The following BLTP1 variants were observed in gnomAD, a reference collection of about 807,000 sequenced individuals.
BLTP1 encodes fragile site-associated protein.
the BLTP1 span, chr4:122,326,059 C>T: frequency 4.9e-6 from 1 of 205,630 alleles, no homozygotes; most frequent in Non-Finnish European, 1.1e-5. Context: ...CTGTTTGAAT[C>T]TCATAACCTC....
At chr4:122,317,255 C>A in the BLTP1 span, among the ~76,000 whole-genome samples, 1 of 151,826 alleles carries the variant, frequency 6.6e-6, no homozygotes, top group African/African-American at 2.4e-5. Context: ...TCGCTTGAGC[C>A]CGGGAGGAGG....
chr4:122,240,176 C>T, the BLTP1 span: 11,166 of 1,613,996 alleles, frequency 6.9e-3, 666 homozygotes, highest in African/African-American at 0.13. Flanking sequence ...CGCAACAACC[C>T]GTGATGAATT....
chr4:122,308,161 G>A, the BLTP1 span: 2 of 1,612,256 alleles, frequency 1.2e-6, no homozygotes, highest in Admixed American at 1.7e-5. Context: ...TACTGCACAG[G>A]TACAAAAAGT....
the BLTP1 span, chr4:122,331,679 A>C: frequency 7.0e-7 from 1 of 1,421,534 alleles, no homozygotes; most frequent in South Asian, 1.5e-5. Context: ...ATAATGGTCA[A>C]GTGTATATTT....
chr4:122,284,962 A>C, the BLTP1 span, among the ~76,000 whole-genome samples: 17 of 152,210 alleles, frequency 1.1e-4, no homozygotes, highest in African/African-American at 3.9e-4. Flanking sequence ...TTCTTTATTA[A>C]GAGTAATTTT....
chr4:122,173,175 T>C, the BLTP1 span: 1 of 1,600,510 alleles, frequency 6.2e-7, no homozygotes, highest in Non-Finnish European at 8.5e-7. Context: ...TAACACTGAA[T>C]TTTTTTCTTC....
chr4:122,259,988 A>G, the BLTP1 span: 31 of 761,016 alleles, frequency 4.1e-5, 1 homozygote, highest in African/African-American at 5.4e-4. Flanking sequence ...ATATATAGTC[A>G]TGCATCACTT....
chr4:122,163,406 T>G, the BLTP1 span, among the ~76,000 whole-genome samples: 11 of 152,190 alleles, frequency 7.2e-5, no homozygotes, highest in African/African-American at 2.2e-4. Flanking sequence ...TAATTGACAT[T>G]AACTCTCTGG....
the BLTP1 span, chr4:122,238,445 C>A: frequency 9.5e-6 from 9 of 950,754 alleles, no homozygotes; most frequent in Middle Eastern, 3.3e-4. Flanking sequence ...TCCACTCCCC[C>A]ACTTTAGAAA....
chr4:122,234,315 G>A, the BLTP1 span: 1 of 228,156 alleles, frequency 4.4e-6, no homozygotes, highest in Non-Finnish European at 7.2e-6. Flanking sequence ...CTTCATATTT[G>A]TAATTTTTCA....
the BLTP1 span, chr4:122,362,408 T>G: frequency 1.7e-6 from 1 of 572,706 alleles, no homozygotes; most frequent in Non-Finnish European, 3.0e-6. Context: ...CATCATTCTG[T>G]GTACAGTGAA....
chr4:122,161,964 A>G, the BLTP1 span, among the ~76,000 whole-genome samples: 3 of 152,368 alleles, frequency 2.0e-5, no homozygotes, highest in East Asian at 5.8e-4. Flanking sequence ...AGGAGCAGTC[A>G]TTAGTGGGGG....
the BLTP1 span, among the ~76,000 whole-genome samples, chr4:122,238,905 CTGTT>C: frequency 6.6e-6 from 1 of 152,122 alleles, no homozygotes; most frequent in Non-Finnish European, 1.5e-5. Context: ...GTCTCAATAA[CTGTT>C]TGGTTTCAAT....
chr4:122,264,875 G>A, the BLTP1 span, among the ~76,000 whole-genome samples: 1 of 152,160 alleles, frequency 6.6e-6, no homozygotes, highest in Non-Finnish European at 1.5e-5. Flanking sequence ...TTGAAAAGAT[G>A]AATTATTGAA....
At chr4:122,235,158 C>A in the BLTP1 span, 2 of 888,074 alleles carry the variant, frequency 2.3e-6, no homozygotes, top group Non-Finnish European at 3.3e-6. Flanking sequence ...TAGTATAATC[C>A]ACCTTTGTTT....
At chr4:122,315,701 A>T in the BLTP1 span, 10 of 1,611,612 alleles carry the variant, frequency 6.2e-6, no homozygotes, top group African/African-American at 1.2e-4. Flanking sequence ...AAGTAAACTC[A>T]CTGTTAGAAT....
chr4:122,256,144 G>A, the BLTP1 span: 1 of 985,024 alleles, frequency 1.0e-6, no homozygotes, highest in Non-Finnish European at 1.2e-6. Flanking sequence ...GGACACACAA[G>A]AATCTTTAGT....
the BLTP1 span, chr4:122,170,561 C>G: frequency 1.4e-6 from 2 of 1,425,834 alleles, no homozygotes; most frequent in Non-Finnish European, 1.8e-6. Flanking sequence ...TTAATGATTT[C>G]TGTTGCAATT....
chr4:122,290,996 TC>T, the BLTP1 span: 1 of 807,828 alleles, frequency 1.2e-6, no homozygotes. Flanking sequence ...TATCAGACTG[TC>T]AGGGTAAGCC....
Sources: allele counts gnomAD v4.1 joint callset (sites outside exome capture counted in the v4.1 genomes callset), GRCh38; gene constraint gnomAD v4.1.1; transcripts MANE v1.5; gene names NCBI Gene and HGNC (gene_info 2026-07-23, HGNC 2026-07-21).